The following KRT82 variants were observed in gnomAD, a reference collection of about 807,000 sequenced individuals.
The protein encoded by KRT82 is keratin 82.
KRT82 carries 44 observed loss-of-function variants against 48.0 expected under a neutral mutation model. The observed-to-expected ratio is 0.92, with a 90% CI of 0.72 to 1.18. The LOEUF is 1.18. Ranked by LOEUF, KRT82 falls within the 50% of genes most tolerant of loss-of-function variation. KRT82 has a pLI of 0.00. For synonymous variants in KRT82, 297 were observed against 278.3 expected (o/e 1.07, Z -0.67); for missense variants, 701 against 671.4 (o/e 1.04, Z -0.49).
At chr12:52,398,080 T>C (rs960387894) in intron 5 of KRT82, among the ~76,000 whole-genome samples, 2 of 151,986 alleles carry the variant, frequency 1.3e-5, no homozygotes, top group East Asian at 3.9e-4. Context: ...AAAACAAAAA[T>C]AACAGCAACA....
Position 52,395,883 on chromosome 12 carries a change from T to C in KRT82, c.1290-93A>G, listed in dbSNP as rs544821519. The C allele has an allele frequency of 1.2e-5, 17 of 1,471,520 alleles. No homozygotes were observed. In the Middle Eastern group the frequency reaches 1.4e-3, roughly 122 times the overall value. The allele number at this position is 1,471,520 out of a possible 1,614,324, so 91.2% of individuals were successfully genotyped here. A position where few individuals can be genotyped will look rare whatever the true frequency, so the allele number is the denominator to read the frequency against. Reference sequence around the variant, plus strand: ...CCGCTCCCGCCCTCATTGTGGACCATGTGCTGCTGTGGGTTTTCAATGAAT... The same window carrying C: ...CCGCTCCCGCCCTCATTGTGGACCACGTGCTGCTGTGGGTTTTCAATGAAT... On this transcript the variant is annotated intron_variant, in intron 7 of 8. Transcript: ENST00000257974.
intron 2 of KRT82, 35 bp from the exon 3 acceptor site, chr12:52,401,384 G>A: frequency 1.2e-6 from 2 of 1,607,346 alleles, no homozygotes. Flanking sequence ...GCTTTAGTCG[G>A]GCTTGTGGAT....
intron 3 of KRT82, among the ~76,000 whole-genome samples, chr12:52,400,912 G>A (rs935941123): frequency 1.3e-5 from 2 of 152,222 alleles, no homozygotes; most frequent in African/African-American, 4.8e-5. Context: ...CTACCTGTCT[G>A]AGGAACCATC....
intron 1 of KRT82, among the ~76,000 whole-genome samples, 200 bp from the exon 2 acceptor site, chr12:52,404,109 G>A (rs1939823452): frequency 6.6e-6 from 1 of 152,194 alleles, no homozygotes; most frequent in African/African-American, 2.4e-5. Flanking sequence ...AGAGCCTAGT[G>A]GACCCCTACT....
Position 52,396,009 on chromosome 12 carries a change from C to T in KRT82, c.1289+3G>A, listed in dbSNP as rs368140516. The T allele has an allele frequency of 1.1e-4, 174 of 1,613,828 alleles. No homozygotes were observed. In the African/African-American group the frequency reaches 1.9e-3, roughly 18 times the overall value. ...TCTTTGACCCCCTCCTGGAGGAGCT[C>T]ACCTGTGCTCTTCACCCTCCAGCAG... On this transcript the variant is annotated splice_donor_region_variant and intron_variant, in intron 7 of 8. Coordinates refer to ENST00000257974, the MANE Select transcript of KRT82 (RefSeq NM_033033.4).
Position 52,394,419 on chromosome 12 carries a change from C to T in KRT82, c.*556G>A. The T allele has an allele frequency of 6.4e-6, 1 of 155,938 alleles. No homozygotes were observed. The highest frequency in any genetic ancestry group is 1.4e-5 in the Non-Finnish European group (1 of 70,432). 9.7% of individuals were successfully genotyped at this position (155,938 alleles called of 1,614,324 possible). A position where few individuals can be genotyped will look rare whatever the true frequency, so the allele number is the denominator to read the frequency against. ...AAAGGCCACCTCTTGATTCTCTGTGCTGAGAGGACATTGGCAGGTCCTGAC... is the reference window on the plus strand; with the variant it reads ...AAAGGCCACCTCTTGATTCTCTGTGTTGAGAGGACATTGGCAGGTCCTGAC... On this transcript the variant is annotated 3_prime_UTR_variant, in exon 9 of 9. Transcript: ENST00000257974.
intron 7 of KRT82, 60 bp from the exon 8 acceptor site, chr12:52,395,850 G>A: frequency 6.9e-7 from 1 of 1,454,218 alleles, no homozygotes; most frequent in African/African-American, 1.4e-5. Context: ...GGTAAATGCA[G>A]CATCTCCCCG....
At chr12:52,405,276 G>A (rs1016256237) in intron 1 of KRT82, among the ~76,000 whole-genome samples, 2 of 152,248 alleles carry the variant, frequency 1.3e-5, no homozygotes, top group East Asian at 1.9e-4. Context: ...TGCAGTGGGT[G>A]CAGATTCAGT....
In KRT82 at chr12:52,395,792, TG is replaced by T; in HGVS notation, c.1290-3del. 2 of 1,549,390 alleles carry T rather than the reference TG, an allele frequency of 1.3e-6. No homozygotes were observed. Among genetic ancestry groups the T allele is most frequent in the Non-Finnish European group, 8.7e-7 (1 of 1,150,824 alleles). On this transcript the variant is annotated splice_polypyrimidine_tract_variant and splice_region_variant and intron_variant, in intron 7 of 8. Transcript: ENST00000257974. ...ACGGGCCCGATGCCTTCGCACAGCC[TG>T]GGGATGAGAGGAAAAAGAAAACAGG...
intron 3 of KRT82, among the ~76,000 whole-genome samples, 172 bp from the exon 4 acceptor site, chr12:52,400,794 G>T (rs1565782520): frequency 1.3e-5 from 2 of 152,146 alleles, no homozygotes; most frequent in Non-Finnish European, 2.9e-5. Context: ...CCCAGGCCTG[G>T]GCCTGGCTTC....
intron 2 of KRT82, 105 bp from the exon 3 acceptor site, chr12:52,401,454 G>A: frequency 9.0e-7 from 1 of 1,107,334 alleles, no homozygotes; most frequent in Non-Finnish European, 1.4e-6. Context: ...CTGACTGAAT[G>A]CCCTGGGGAG....
rs145761240 is a variant in KRT82, at chr12:52,394,188, A to G, written c.*787T>C. 2.0e-5 allele frequency: 3 copies of G among 152,396 alleles called. No individual in the cohort carries two copies. In the East Asian group the frequency reaches 5.8e-4, roughly 29 times the overall value. The allele number at this position is 152,396 out of a possible 1,614,324, so 9.4% of individuals were successfully genotyped here. Reference sequence around the variant, plus strand: ...GGGGAACAGGAAGGGGCGGCTATGTACAGAAGGGGATGGGTGGAGGGGGAA... The same window carrying G: ...GGGGAACAGGAAGGGGCGGCTATGTGCAGAAGGGGATGGGTGGAGGGGGAA... On this transcript the variant is annotated 3_prime_UTR_variant, in exon 9 of 9. Transcript: ENST00000257974.
chr12:52,401,257 A>G, intron 3 of KRT82, 32 bp downstream of exon 3: 2 of 1,604,790 alleles, frequency 1.2e-6, no homozygotes, highest in Non-Finnish European at 1.7e-6. Flanking sequence ...AGGCCAGCTC[A>G]GGGGCTCTGC....
rs1939817628 is a variant in KRT82 at position 52,403,726 on chromosome 12, C to A, written c.595G>T (p.Ala199Ser). 6.2e-7 allele frequency: 1 copy of A among 1,611,902 alleles called. No individual in the cohort carries two copies. The highest frequency in any genetic ancestry group is 2.2e-5 in the East Asian group (1 of 44,864). Residue 199 changes from alanine (A) to serine (S), a missense_variant, in exon 2 of 9, where the codon GCT becomes TCT. Transcript: ENST00000257974. ...RLESELCSLQ[A>S]ALEGYKKKYE... ...TTTTTCTTGTAGCCCTCCAGTGCAGCCTGGAGGCTGCAGAGCTCTGACTCT... is the reference window on the plus strand; with the variant it reads ...TTTTTCTTGTAGCCCTCCAGTGCAGACTGGAGGCTGCAGAGCTCTGACTCT...
At chr12:52,402,896 C>T (rs1417852604) in intron 2 of KRT82, among the ~76,000 whole-genome samples, 2 of 152,202 alleles carry the variant, frequency 1.3e-5, no homozygotes, top group African/African-American at 4.8e-5. Flanking sequence ...ACTTGCCTGC[C>T]TCTAACATGC....
intron 4 of KRT82, 95 bp from the exon 5 acceptor site, chr12:52,400,244 G>T: frequency 3.1e-5 from 38 of 1,228,532 alleles, no homozygotes; most frequent in Non-Finnish European, 3.8e-5. Flanking sequence ...AGAGCAGAGT[G>T]CATAGAACTC....
At chr12:52,403,961 A>T (rs779451485) in intron 1 of KRT82, 52 bp from the exon 2 acceptor site, 1 of 1,542,466 alleles carries the variant, frequency 6.5e-7, no homozygotes, top group East Asian at 2.3e-5. Context: ...GGGGACCATG[A>T]CTTAGAGAGG....
chr12:52,400,788 G>A (rs1039261645), intron 3 of KRT82, among the ~76,000 whole-genome samples, 166 bp from the exon 4 acceptor site: 3 of 152,168 alleles, frequency 2.0e-5, no homozygotes, highest in Admixed American at 6.5e-5. Flanking sequence ...TGGGACCCCA[G>A]GCCTGGGCCT....
intron 6 of KRT82, among the ~76,000 whole-genome samples, chr12:52,396,463 G>T (rs562842009): frequency 6.6e-6 from 1 of 152,308 alleles, no homozygotes; most frequent in Admixed American, 6.5e-5. Context: ...TTTCTGTGGG[G>T]TTAATATGTT....
Sources: gnomAD v4.1 joint callset for allele counts (sites outside exome capture counted in the v4.1 genomes callset) on GRCh38, gnomAD v4.1.1 for gene constraint, MANE v1.5 for transcripts, NCBI Gene and HGNC (gene_info 2026-07-23, HGNC 2026-07-21) for gene names.